ACTR3: variants seen among roughly 807,000 people sequenced by gnomAD.
ACTR3 encodes the protein actin-related protein 3.
Under a neutral mutation model 56.8 loss-of-function variants are expected in ACTR3, and 12 were observed. That is an observed-to-expected ratio of 0.21 (90% CI 0.14 to 0.34). The LOEUF (loss-of-function observed/expected upper bound fraction) is 0.34. Among genes scored for constraint, ACTR3 ranks in the 10% least tolerant of loss-of-function variants. The pLI is 1.00. For missense variants in ACTR3, 282 were observed against 512.5 expected (o/e 0.55, Z 4.34); for synonymous variants, 162 against 167.4 (o/e 0.97, Z 0.25).
intron 2 of ACTR3, among the ~76,000 whole-genome samples, chr2:113,915,836 A>C (rs931504583): frequency 1.3e-5 from 2 of 152,140 alleles, no homozygotes; most frequent in Non-Finnish European, 2.9e-5. Context: ...TTGATTTTTG[A>C]GTGTTTTTTC....
chr2:113,936,035 G>GT (rs767203173), intron 6 of ACTR3, among the ~76,000 whole-genome samples: 6 of 152,176 alleles, frequency 3.9e-5, no homozygotes, highest in Non-Finnish European at 7.3e-5. Context: ...GCTCATGCCT[G>GT]TAATCCCAGC....
At position 113,890,516 on chromosome 2, in the gene ACTR3, T is replaced by G; in HGVS notation, c.44+193T>G. On this transcript the variant is annotated intron_variant, in intron 1 of 11. Coordinates refer to ENST00000263238, the MANE Select transcript of ACTR3 (RefSeq NM_005721.5). ...TCCCCTCGTTTCTCCCTCCTGGGAC[T>G]GGGGCGGGGGCGCGGGCCCGAGATT... is the stretch of plus-strand genomic sequence containing the variant. 6.0e-6 allele frequency: 8 copies of G among 1,339,310 alleles called. No individual in the cohort carries two copies. In the South Asian group the frequency reaches 8.1e-5, roughly 13 times the overall value. 83.0% of individuals were successfully genotyped at this position (1,339,310 alleles called of 1,614,324 possible).
intron 1 of ACTR3, among the ~76,000 whole-genome samples, chr2:113,901,189 G>A (rs1206987153): frequency 6.6e-6 from 1 of 152,140 alleles, no homozygotes; most frequent in East Asian, 1.9e-4. Flanking sequence ...GTGGTGGCGT[G>A]TGCCTGTAAT....
At position 113,951,545 on chromosome 2, in the gene ACTR3, A is replaced by G; in HGVS notation, c.925A>G (p.Ile309Val). The part of the protein sequence containing the change: ...VVDEVIQNCP[I>V]DVRRPLYKNI... ...AGATGAAGTAATTCAGAATTGTCCT[A>G]TTGATGTCAGACGTCCTCTCTACAA... The change falls in exon 9 of 12, where the codon ATT becomes GTT. Residue 309 changes from isoleucine to valine, a missense_variant. Transcript: ENST00000263238. 1 of 1,612,840 alleles carries G rather than the reference A, an allele frequency of 6.2e-7. No individual in the cohort carries two copies. Among genetic ancestry groups the G allele is most frequent in the Non-Finnish European group, 8.5e-7 (1 of 1,179,036 alleles).
intron 3 of ACTR3, among the ~76,000 whole-genome samples, chr2:113,924,267 G>A (rs1219108647): frequency 6.6e-6 from 1 of 151,112 alleles, no homozygotes; most frequent in Non-Finnish European, 1.5e-5. Context: ...TGTAGAGACA[G>A]GGTCTCACTA....
chr2:113,956,531 A>C (rs1448176111), intron 11 of ACTR3, among the ~76,000 whole-genome samples: 1 of 152,120 alleles, frequency 6.6e-6, no homozygotes, highest in Non-Finnish European at 1.5e-5. Context: ...AAAAACATTA[A>C]GGTAAAAGTT....
Position 113,890,248 on chromosome 2 carries a change from G to T in ACTR3, c.-32G>T. 1 of 1,551,272 alleles carries T rather than the reference G, an allele frequency of 6.4e-7. No homozygotes were observed. The highest frequency in any genetic ancestry group is 8.7e-7 in the Non-Finnish European group (1 of 1,146,824). ...TGGCCCCTAGCAGCACGGAGCAGAC[G>T]GCGGCAGCAGCAGCAGCAGGCGAGG... On this transcript the variant is annotated 5_prime_UTR_variant, in exon 1 of 12. Transcript: ENST00000263238.
At chr2:113,918,947 A>T (rs1227944808) in intron 3 of ACTR3, among the ~76,000 whole-genome samples, 1 of 152,226 alleles carries the variant, frequency 6.6e-6, no homozygotes, top group Non-Finnish European at 1.5e-5. Context: ...GTGCAATCAC[A>T]CACACAGACA....
At chr2:113,938,489 T>C (rs1460317475) in intron 6 of ACTR3, among the ~76,000 whole-genome samples, 1 of 152,224 alleles carries the variant, frequency 6.6e-6, no homozygotes, top group African/African-American at 2.4e-5. Context: ...GGGCTCCTTT[T>C]AAATGTTATT....
chr2:113,920,873 A>G (rs1163818407), intron 3 of ACTR3, among the ~76,000 whole-genome samples: 1 of 152,202 alleles, frequency 6.6e-6, no homozygotes, highest in Non-Finnish European at 1.5e-5. Context: ...ACATATCCGT[A>G]TGGACACTTA....
chr2:113,900,113 T>C (rs1031349260), intron 1 of ACTR3, among the ~76,000 whole-genome samples: 1 of 152,224 alleles, frequency 6.6e-6, no homozygotes, highest in Admixed American at 6.5e-5. Flanking sequence ...CTGTAAAGTT[T>C]ACTCTTTTAA....
At chr2:113,908,983 G>A (rs1211665470) in intron 1 of ACTR3, among the ~76,000 whole-genome samples, 1 of 152,024 alleles carries the variant, frequency 6.6e-6, no homozygotes, top group Non-Finnish European at 1.5e-5. Flanking sequence ...TTAAGAATTG[G>A]TGAAAATATT....
intron 1 of ACTR3, among the ~76,000 whole-genome samples, chr2:113,899,454 C>G (rs1253444245): frequency 1.3e-5 from 2 of 152,102 alleles, no homozygotes; most frequent in South Asian, 2.1e-4. Flanking sequence ...ATGGTATATA[C>G]AAGAAAACTA....
intron 1 of ACTR3, among the ~76,000 whole-genome samples, chr2:113,907,721 C>T (rs1289398166): frequency 6.6e-6 from 1 of 151,580 alleles, no homozygotes; most frequent in Non-Finnish European, 1.5e-5. Flanking sequence ...AGCTGTAATC[C>T]CAGCACTTTG....
At chr2:113,939,873 A>G (rs1419618443) in intron 6 of ACTR3, 86 bp from the exon 7 acceptor site, 1 of 1,224,500 alleles carries the variant, frequency 8.2e-7, no homozygotes. Context: ...AACTTAATAA[A>G]TTGGTCTTTA....
intron 1 of ACTR3, among the ~76,000 whole-genome samples, chr2:113,897,803 C>G (rs1679037500): frequency 6.6e-6 from 1 of 152,074 alleles, no homozygotes; most frequent in African/African-American, 2.4e-5. Flanking sequence ...TTTCAGCTTT[C>G]CTTCTGCTCC....
intron 4 of ACTR3, among the ~76,000 whole-genome samples, chr2:113,929,147 G>C (rs1020040028): frequency 2.0e-5 from 3 of 148,742 alleles, no homozygotes; most frequent in African/African-American, 7.5e-5. Context: ...TTTTGTTTTT[G>C]TTTTTGTTTT....
chr2:113,930,124 T>G (rs1462119859), intron 4 of ACTR3, among the ~76,000 whole-genome samples: 1 of 152,342 alleles, frequency 6.6e-6, no homozygotes, highest in East Asian at 1.9e-4. Context: ...TATTTTCCTT[T>G]GTGGGGTCCT....
Position 113,917,001 on chromosome 2 carries a change from C to A in ACTR3, c.218C>A (p.Ala73Glu). The change falls in exon 3 of 12, where the codon GCA (alanine) becomes GAA (glutamate). Residue 73 changes from alanine (A) to glutamate (E), a missense_variant. Physicochemically the swap from Ala to Glu is moderately radical, Grantham distance 107. Transcript: ENST00000263238. ...GAAGCAATAGAAAAACCTACATATG[C>A]AACAAAGGTATGTTTTTATGATTTG... ...GDEAIEKPTY[A>E]TKWPIRHGIV... 2 of 1,599,972 alleles carry A rather than the reference C, an allele frequency of 1.3e-6. No homozygotes were observed. Among genetic ancestry groups the A allele is most frequent in the Admixed American group, 1.7e-5 (1 of 57,416 alleles).
Sources: allele counts gnomAD v4.1 joint callset (sites outside exome capture counted in the v4.1 genomes callset), GRCh38; gene constraint gnomAD v4.1.1; transcripts MANE v1.5; gene names NCBI Gene and HGNC (gene_info 2026-07-23, HGNC 2026-07-21).